TRIM24: variants seen among roughly 807,000 people sequenced by gnomAD.
TRIM24 encodes tripartite motif containing 24.
A neutral mutation model predicts 123.9 loss-of-function variants in TRIM24; 29 were observed. The observed-to-expected ratio is 0.23, with a 90% CI of 0.17 to 0.32. The LOEUF (loss-of-function observed/expected upper bound fraction) is 0.32. Ranked by LOEUF, TRIM24 falls within the 10% of genes least tolerant of loss-of-function variation. TRIM24 has a pLI of 1.00. For missense variants in TRIM24, 932 were observed against 1,295.3 expected (o/e 0.72, Z 4.31); for synonymous variants, 456 against 461.1 (o/e 0.99, Z 0.14).
chr7:138,588,083 A>G lies in TRIM24; in HGVS notation c.*3132A>G, dbSNP rs1798048304. On this transcript the variant is annotated 3_prime_UTR_variant, in exon 19 of 19. Transcript: ENST00000343526. ...TACCACATAGTAGTGTAGATGTAGTATAACTTGCTTAGGAATGCTTTCAAA... is the reference window on the plus strand; with the variant it reads ...TACCACATAGTAGTGTAGATGTAGTGTAACTTGCTTAGGAATGCTTTCAAA... 6.6e-6 allele frequency: 1 copy of G among 151,754 alleles called. No homozygotes were observed. Among genetic ancestry groups the G allele is most frequent in the Non-Finnish European group, 1.5e-5 (1 of 67,910 alleles). 9.4% of individuals were successfully genotyped at this position (151,754 alleles called of 1,614,324 possible).
intron 1 of TRIM24, 35 bp downstream of exon 1, chr7:138,460,947 G>A (rs1049067709): frequency 5.0e-6 from 7 of 1,396,546 alleles, no homozygotes; most frequent in Admixed American, 6.9e-5. Context: ...GGAGCCCGGG[G>A]AGAGGGCCAG....
At chr7:138,469,878 G>A (rs1795232389) in intron 1 of TRIM24, among the ~76,000 whole-genome samples, 6 of 152,164 alleles carry the variant, frequency 3.9e-5, no homozygotes, top group Admixed American at 3.9e-4. Context: ...GATTAAGGCT[G>A]CCTCAAGCCC....
At chr7:138,551,953 T>C (rs942315364) in intron 8 of TRIM24, among the ~76,000 whole-genome samples, 1 of 152,210 alleles carries the variant, frequency 6.6e-6, no homozygotes, top group African/African-American at 2.4e-5. Flanking sequence ...TACTGACAAG[T>C]ACCCAGATCT....
intron 5 of TRIM24, among the ~76,000 whole-genome samples, chr7:138,526,909 A>G (rs1008762532): frequency 6.6e-6 from 1 of 152,186 alleles, no homozygotes; most frequent in African/African-American, 2.4e-5. Context: ...CATTTCTACC[A>G]TCTAGTGGCA....
chr7:138,476,571 C>T (rs1488692462), intron 1 of TRIM24, among the ~76,000 whole-genome samples: 7 of 143,692 alleles, frequency 4.9e-5, no homozygotes, highest in South Asian at 2.2e-4. Context: ...CCAGCCTGGG[C>T]GACAGAGCGA....
At chr7:138,460,978 G>A (rs1328080327) in intron 1 of TRIM24, 66 bp downstream of exon 1, 2 of 1,333,666 alleles carry the variant, frequency 1.5e-6, no homozygotes, top group African/African-American at 1.6e-5. Flanking sequence ...GCGCCCTTGT[G>A]CGGCGCGACC....
chr7:138,464,995 C>T (rs1795103910), intron 1 of TRIM24, among the ~76,000 whole-genome samples: 1 of 152,094 alleles, frequency 6.6e-6, no homozygotes, highest in Non-Finnish European at 1.5e-5. Context: ...CTCTCTTTGT[C>T]ATCCTAAATG....
chr7:138,546,052 C>T (rs1403880941), intron 7 of TRIM24, among the ~76,000 whole-genome samples: 4 of 152,128 alleles, frequency 2.6e-5, no homozygotes, highest in East Asian at 1.9e-4. Flanking sequence ...TAATTAGTGG[C>T]TGTAAATATG....
chr7:138,489,862 GTGT>G (rs1354428437), intron 1 of TRIM24, among the ~76,000 whole-genome samples: 1 of 152,070 alleles, frequency 6.6e-6, no homozygotes, highest in African/African-American at 2.4e-5. Context: ...TATCTTTGTG[GTGT>G]TCTCTGTATT....
intron 6 of TRIM24, among the ~76,000 whole-genome samples, chr7:138,533,813 T>C (rs1447966413): frequency 6.6e-6 from 1 of 152,256 alleles, no homozygotes; most frequent in East Asian, 1.9e-4. Flanking sequence ...CTTGTACCTC[T>C]GGTAGAATTT....
At chr7:138,540,611 C>G (rs981573340) in intron 7 of TRIM24, among the ~76,000 whole-genome samples, 1 of 152,186 alleles carries the variant, frequency 6.6e-6, no homozygotes, top group African/African-American at 2.4e-5. Flanking sequence ...ATCTGTAATT[C>G]CTTCTTCACT....
chr7:138,576,158 A>G (rs577066526), intron 12 of TRIM24, among the ~76,000 whole-genome samples: 2 of 152,336 alleles, frequency 1.3e-5, no homozygotes, highest in Admixed American at 6.5e-5. Flanking sequence ...ACAACAAGGA[A>G]TTATCTGGCC....
chr7:138,506,814 T>TG, intron 2 of TRIM24, among the ~76,000 whole-genome samples: 1 of 152,106 alleles, frequency 6.6e-6, no homozygotes, highest in East Asian at 1.9e-4. Context: ...AGGGTGCTGC[T>TG]GGGGGCATTT....
intron 6 of TRIM24, 135 bp downstream of exon 6, chr7:138,529,365 T>C: frequency 2.3e-6 from 1 of 439,728 alleles, no homozygotes; most frequent in Non-Finnish European, 4.0e-6. Flanking sequence ...TCCCAAGTTT[T>C]CCTTTGCTGG....
chr7:138,485,280 C>T (rs1795619060), intron 1 of TRIM24, among the ~76,000 whole-genome samples: 1 of 152,020 alleles, frequency 6.6e-6, no homozygotes, highest in East Asian at 1.9e-4. Context: ...AATTCTGTGG[C>T]ATTAAGTACA....
rs145717399 is a variant in TRIM24, at chr7:138,565,082, C to T, written c.1531-2399C>T. The stretch of plus-strand genomic sequence containing the variant: ...GTTAGTCCCGGTCAGTCCCATGGTT[C>T]TCTCAGAGTGTATGGTCTACGCTAA... On this transcript the variant is annotated intron_variant, in intron 9 of 18. Coordinates refer to ENST00000343526, the MANE Select transcript of TRIM24 (RefSeq NM_015905.3). Among the ~76,000 whole-genome samples, 20 of 152,266 alleles carry T rather than the reference C, an allele frequency of 1.3e-4. No individual in the cohort carries two copies. The East Asian group carries it at 3.9e-3, about 29-fold the overall frequency.
At chr7:138,569,231 G>A (rs758395238) in intron 10 of TRIM24, among the ~76,000 whole-genome samples, 12 of 152,054 alleles carry the variant, frequency 7.9e-5, no homozygotes, top group Non-Finnish European at 1.5e-4. Flanking sequence ...GTATTCAAAT[G>A]TTTACCTCTT....
intron 6 of TRIM24, among the ~76,000 whole-genome samples, chr7:138,535,704 T>C (rs889156277): frequency 7.9e-5 from 12 of 152,180 alleles, no homozygotes; most frequent in African/African-American, 2.9e-4. Flanking sequence ...TTGGAGTTGC[T>C]CTTCTCAAGG....
At chr7:138,530,237 A>C (rs1796701547) in intron 6 of TRIM24, among the ~76,000 whole-genome samples, 1 of 152,118 alleles carries the variant, frequency 6.6e-6, no homozygotes, top group African/African-American at 2.4e-5. Context: ...TAAAAAAAAA[A>C]AAAAATTTAA....
Sources: gnomAD v4.1 joint callset for allele counts (sites outside exome capture counted in the v4.1 genomes callset) on GRCh38, gnomAD v4.1.1 for gene constraint, MANE v1.5 for transcripts, NCBI Gene and HGNC (gene_info 2026-07-23, HGNC 2026-07-21) for gene names.